The following FRMD3 variants were observed in gnomAD, a reference collection of about 807,000 sequenced individuals.
The protein encoded by FRMD3 is FERM domain containing 3.
FRMD3 carries 33 observed loss-of-function variants against 70.2 expected under a neutral mutation model. That is an observed-to-expected ratio of 0.47 (90% confidence interval 0.36 to 0.63). The LOEUF (loss-of-function observed/expected upper bound fraction) is 0.63. Among genes scored for constraint, FRMD3 ranks in the 20% least tolerant of loss-of-function variants. The probability of loss-of-function intolerance (pLI) is 0.00; values close to 1 mark genes in which losing one functional copy is unlikely to be tolerated. For missense variants in FRMD3, 632 were observed against 711.4 expected (o/e 0.89, Z 1.27); for synonymous variants, 279 against 255.9 (o/e 1.09, Z -0.86).
chr9:83,471,076 T>C (rs2375929), intron 1 of FRMD3, among the ~76,000 whole-genome samples: 74,309 of 152,020 alleles, frequency 0.49, 18,516 homozygotes, highest in Middle Eastern at 0.58. Flanking sequence ...ACTCCAGTTT[T>C]AGGGGGGAGA....
chr9:83,267,297 A>C, intron 13 of FRMD3: 1 of 1,452,000 alleles, frequency 6.9e-7, no homozygotes, highest in Non-Finnish European at 9.1e-7. Flanking sequence ...ATGAGGGATC[A>C]GCATTGGGAG....
chr9:83,329,184 C>T (rs1486944072), intron 6 of FRMD3, among the ~76,000 whole-genome samples: 9 of 152,148 alleles, frequency 5.9e-5, no homozygotes, highest in African/African-American at 2.2e-4. Context: ...ACAGTGAACG[C>T]ATTTGATCCC....
In FRMD3 at chr9:83,299,103, G is replaced by T. The variant is rs551143107; in HGVS notation, c.1001+9C>A. On this transcript the variant is annotated intron_variant, in intron 11 of 13. Coordinates refer to ENST00000304195, the MANE Select transcript of FRMD3 (RefSeq NM_174938.6). ...ACCCCCTCACTGAAATGGAACCATT[G>T]GTACCCACCTATATCGAAATCTACT... The T allele has an allele frequency of 2.5e-5, 39 of 1,578,392 alleles. No homozygotes were observed. In the East Asian group the frequency reaches 6.5e-4, roughly 26 times the overall value.
At chr9:83,550,495 G>A in the FRMD3 span, among the ~76,000 whole-genome samples, 1 of 152,086 alleles carries the variant, frequency 6.6e-6, no homozygotes, top group African/African-American at 2.4e-5. Context: ...GTCATTGGTA[G>A]TTTGATAGAA....
chr9:83,283,530 CAAAAAAAAAA>C (rs765093024), intron 13 of FRMD3, among the ~76,000 whole-genome samples: 1,559 of 132,254 alleles, frequency 0.012, 17 homozygotes, highest in Non-Finnish European at 0.017. Flanking sequence ...GAATCCATCT[CAAAAAAAAAA>C]AAAAAAAATA....
chr9:83,485,897 T>G (rs1483235866), intron 1 of FRMD3, among the ~76,000 whole-genome samples: 1 of 152,012 alleles, frequency 6.6e-6, no homozygotes, highest in Admixed American at 6.5e-5. Context: ...CAATGATTCT[T>G]AAAAACCTTC....
At chr9:83,473,655 T>A (rs992059855) in intron 1 of FRMD3, among the ~76,000 whole-genome samples, 4 of 152,132 alleles carry the variant, frequency 2.6e-5, no homozygotes, top group Admixed American at 1.3e-4. Flanking sequence ...CCAACAAGAA[T>A]AACATGGAGA....
At chr9:83,255,358 CTAAG>C (rs1832653640) in intron 13 of FRMD3, among the ~76,000 whole-genome samples, 1 of 152,042 alleles carries the variant, frequency 6.6e-6, no homozygotes, top group Non-Finnish European at 1.5e-5. Context: ...TCTCAATAAA[CTAAG>C]TAATGAAGGA....
At chr9:83,507,740 C>CTA (rs1829235461) in intron 1 of FRMD3, among the ~76,000 whole-genome samples, 12 of 61,918 alleles carry the variant, frequency 1.9e-4, no homozygotes, top group South Asian at 6.3e-4. Context: ...ATATATATAT[C>CTA]TTCTGGAATA....
intron 1 of FRMD3, among the ~76,000 whole-genome samples, chr9:83,525,486 T>C (rs191126315): frequency 9.2e-5 from 14 of 152,336 alleles, no homozygotes; most frequent in Admixed American, 7.2e-4. Context: ...AAATAAATAC[T>C]AAATAAAGAT....
intron 13 of FRMD3, among the ~76,000 whole-genome samples, chr9:83,278,823 G>A (rs188250999): frequency 6.6e-6 from 1 of 152,302 alleles, no homozygotes; most frequent in Admixed American, 6.5e-5. Context: ...CTCAGGAAAG[G>A]GAAGGTGGGC....
intron 13 of FRMD3, among the ~76,000 whole-genome samples, chr9:83,284,949 T>C (rs917027200): frequency 3.3e-5 from 5 of 151,958 alleles, no homozygotes; most frequent in Non-Finnish European, 7.4e-5. Context: ...GAAAGACATA[T>C]GCATAGACAA....
chr9:83,397,356 C>T (rs529908919), intron 1 of FRMD3, among the ~76,000 whole-genome samples: 5 of 152,292 alleles, frequency 3.3e-5, no homozygotes, highest in South Asian at 2.1e-4. Context: ...TCTCAGAAAG[C>T]GATCCTTGAA....
At chr9:83,468,644 C>G (rs78545033) in intron 1 of FRMD3, among the ~76,000 whole-genome samples, 8,230 of 152,250 alleles carry the variant, frequency 0.054, 363 homozygotes, top group East Asian at 0.15. Context: ...CCCTACTGTC[C>G]CAGATTCCTC....
chr9:83,383,691 T>C (rs1020209381), intron 2 of FRMD3, among the ~76,000 whole-genome samples: 1 of 152,212 alleles, frequency 6.6e-6, no homozygotes, highest in African/African-American at 2.4e-5. Context: ...GAAAAACTTC[T>C]TACCTTGGAT....
At chr9:83,349,858 G>T in intron 3 of FRMD3, 101 bp from the exon 4 acceptor site, 1 of 813,118 alleles carries the variant, frequency 1.2e-6, no homozygotes, top group Non-Finnish European at 2.0e-6. Context: ...ACTAGCCTGG[G>T]GAGTGGGGGC....
At chr9:83,373,061 T>C (rs1825031335) in intron 2 of FRMD3, 106 bp from the exon 3 acceptor site, 4 of 895,572 alleles carry the variant, frequency 4.5e-6, no homozygotes, top group Admixed American at 1.9e-5. Flanking sequence ...TCGGTTTCCA[T>C]AGATACTCTC....
At chr9:83,443,209 C>T (rs1249418209) in intron 1 of FRMD3, among the ~76,000 whole-genome samples, 1 of 152,068 alleles carries the variant, frequency 6.6e-6, no homozygotes, top group Non-Finnish European at 1.5e-5. Context: ...GTTACATATG[C>T]ATACATGTGC....
chr9:83,405,008 G>T (rs912012987), intron 1 of FRMD3, among the ~76,000 whole-genome samples: 19 of 152,226 alleles, frequency 1.2e-4, no homozygotes, highest in Non-Finnish European at 2.1e-4. Flanking sequence ...CAGTTCTCAT[G>T]TTATCTAGAA....
Sources: allele counts gnomAD v4.1 joint callset (sites outside exome capture counted in the v4.1 genomes callset), GRCh38; gene constraint gnomAD v4.1.1; transcripts MANE v1.5; gene names NCBI Gene and HGNC (gene_info 2026-07-23, HGNC 2026-07-21).